Variants in GPHN observed in about 807,000 individuals in gnomAD.
The protein encoded by GPHN is gephyrin.
GPHN carries 17 observed loss-of-function variants against 95.5 expected under a neutral mutation model. The observed-to-expected ratio is 0.18, with a 90% CI of 0.12 to 0.27. GPHN has a LOEUF of 0.27. Among genes scored for constraint, GPHN ranks in the 10% least tolerant of loss-of-function variants. The pLI, the probability that GPHN is intolerant of heterozygous loss-of-function variation, is 1.00. For synonymous variants in GPHN, 320 were observed against 322.5 expected (o/e 0.99, Z 0.08); for missense variants, 660 against 978.1 (o/e 0.67, Z 4.34).
In GPHN at chr14:67,058,778, A is replaced by G; in HGVS notation, c.1136A>G (p.Asn379Ser). The G allele has an allele frequency of 1.2e-6, 2 of 1,613,554 alleles. No homozygotes were observed. Among genetic ancestry groups the G allele is most frequent in the Non-Finnish European group, 1.7e-6 (2 of 1,179,544 alleles). ...CCGGTGCTTGGGACAGAAATCATCA[A>G]TTACCGAGGTACTATTATATTTGAC... is the stretch of plus-strand genomic sequence containing the variant. ...MTPVLGTEII[N>S]YRDGMGRVLA... The change falls in exon 11 of 23, where the codon AAT becomes AGT. Residue 379 changes from asparagine to serine, a missense_variant. This residue lies in a region of GPHN where 257 missense variants were observed against 376.2 expected (regional missense o/e 0.68). Transcript: ENST00000478722.
the GPHN span, among the ~76,000 whole-genome samples, chr14:67,355,737 TTA>T: frequency 1.3e-5 from 2 of 152,008 alleles, no homozygotes; most frequent in African/African-American, 4.8e-5. Flanking sequence ...GTACAGTGGC[TTA>T]TGTCTATAAT....
At chr14:67,166,701 G>T (rs1350616975) in intron 20 of GPHN, among the ~76,000 whole-genome samples, 2 of 151,936 alleles carry the variant, frequency 1.3e-5, no homozygotes, top group African/African-American at 4.8e-5. Context: ...ACAAGGTCTG[G>T]CTCTGTCGCC....
At chr14:66,762,733 TTC>T (rs1458648381) in intron 2 of GPHN, among the ~76,000 whole-genome samples, 1 of 152,180 alleles carries the variant, frequency 6.6e-6, no homozygotes, top group African/African-American at 2.4e-5. Flanking sequence ...TAGATTCTAA[TTC>T]TCTTTTCTTC....
intron 1 of GPHN, among the ~76,000 whole-genome samples, chr14:66,511,671 G>A (rs1454434255): frequency 6.6e-6 from 1 of 151,960 alleles, no homozygotes; most frequent in Non-Finnish European, 1.5e-5. Context: ...TTAGTACATA[G>A]TCTGTTGAGA....
At chr14:66,786,318 A>G (rs1344889775) in intron 3 of GPHN, among the ~76,000 whole-genome samples, 1 of 152,092 alleles carries the variant, frequency 6.6e-6, no homozygotes, top group Admixed American at 6.5e-5. Context: ...GAAAATCACG[A>G]ACTTCTAAAA....
chr14:67,136,877 G>T (rs1254192015), intron 17 of GPHN, among the ~76,000 whole-genome samples: 1 of 152,116 alleles, frequency 6.6e-6, no homozygotes, highest in Non-Finnish European at 1.5e-5. Context: ...AGTAAATCAA[G>T]ATTCATGTTA....
Position 66,697,694 on chromosome 14 carries a change from TC to T in GPHN, c.143+16510del, listed in dbSNP as rs375111792. Among the ~76,000 whole-genome samples, 413 of 80,390 alleles carry T rather than the reference TC, an allele frequency of 5.1e-3. 4 individuals are homozygous for T. In the African/African-American group the frequency reaches 0.064, roughly 12 times the overall value. 52.7% of individuals were successfully genotyped at this position (80,390 alleles called of 152,430 possible). A position where few individuals can be genotyped will look rare whatever the true frequency, so the allele number is the denominator to read the frequency against. On this transcript the variant is annotated intron_variant, in intron 2 of 22. Coordinates refer to ENST00000478722, the MANE Select transcript of GPHN (RefSeq NM_020806.5). The stretch of plus-strand genomic sequence containing the variant: ...TTTTTTTCTTTTTTCTTTTTTCTTT[TC>T]TTTTTTTTTTGAGATGAGGTCTACC...
chr14:67,710,076 T>G, the GPHN span, among the ~76,000 whole-genome samples: 3 of 152,188 alleles, frequency 2.0e-5, no homozygotes, highest in African/African-American at 7.2e-5. Flanking sequence ...GCCTTTGTTT[T>G]AAGTTGTTCC....
At chr14:66,896,228 T>C (rs927634060) in intron 5 of GPHN, among the ~76,000 whole-genome samples, 5 of 152,152 alleles carry the variant, frequency 3.3e-5, no homozygotes, top group Non-Finnish European at 5.9e-5. Flanking sequence ...ATGGTAACTA[T>C]ATAAAACGAT....
At chr14:66,664,438 G>A (rs1188449356) in intron 1 of GPHN, among the ~76,000 whole-genome samples, 1 of 152,014 alleles carries the variant, frequency 6.6e-6, no homozygotes, top group Non-Finnish European at 1.5e-5. Flanking sequence ...AACTAATAAG[G>A]ACAAAGATAC....
At chr14:67,531,090 T>G in the GPHN span, among the ~76,000 whole-genome samples, 1 of 152,110 alleles carries the variant, frequency 6.6e-6, no homozygotes, top group Non-Finnish European at 1.5e-5. Context: ...CCATTCTCCT[T>G]TGTCAGGTCA....
Position 66,642,916 on chromosome 14 carries a change from G to A in GPHN, c.65-38191G>A, listed in dbSNP as rs183884025. ...GATGGAAACATGGCAGAATATCTTCGTGATCTTGGGTTAGGGAAAGATTTC... is the reference window on the plus strand; with the variant it reads ...GATGGAAACATGGCAGAATATCTTCATGATCTTGGGTTAGGGAAAGATTTC... On this transcript the variant is annotated intron_variant, in intron 1 of 22. Transcript: ENST00000478722. Among the ~76,000 whole-genome samples, 53 of 148,058 alleles carry A rather than the reference G, an allele frequency of 3.6e-4. No homozygotes were observed. In the East Asian group the frequency reaches 5.8e-3, roughly 16 times the overall value.
chr14:67,341,465 G>C, the GPHN span, among the ~76,000 whole-genome samples: 1 of 152,072 alleles, frequency 6.6e-6, no homozygotes, highest in South Asian at 2.1e-4. Context: ...AGGGAGGTTG[G>C]GGGGTCAGCC....
chr14:66,778,500 AAT>A (rs1167845529), intron 3 of GPHN, among the ~76,000 whole-genome samples: 1 of 152,116 alleles, frequency 6.6e-6, no homozygotes, highest in African/African-American at 2.4e-5. Flanking sequence ...TTTCTAACAT[AAT>A]ATGTTGTTCT....
intron 1 of GPHN, among the ~76,000 whole-genome samples, chr14:66,548,659 A>G (rs2059697405): frequency 6.6e-6 from 1 of 152,194 alleles, no homozygotes; most frequent in Non-Finnish European, 1.5e-5. Context: ...AGGCCAGATA[A>G]TAATCCTACA....
At chr14:67,481,802 G>A in the GPHN span, among the ~76,000 whole-genome samples, 1 of 152,136 alleles carries the variant, frequency 6.6e-6, no homozygotes, top group East Asian at 1.9e-4. Flanking sequence ...GCTCAGCCCT[G>A]GGATCAGAGC....
At chr14:67,699,176 C>T in the GPHN span, among the ~76,000 whole-genome samples, 1 of 151,838 alleles carries the variant, frequency 6.6e-6, no homozygotes, top group Non-Finnish European at 1.5e-5. Context: ...TCACTTGAAC[C>T]CGGGAGGCAG....
At chr14:67,395,398 T>C in the GPHN span, 2 of 1,612,992 alleles carry the variant, frequency 1.2e-6, no homozygotes, top group Admixed American at 3.3e-5. Flanking sequence ...AGTGGGGCAC[T>C]CACTGCAGGC....
downstream of GPHN, among the ~76,000 whole-genome samples, chr14:67,185,913 G>A (rs2083366002): frequency 6.6e-6 from 1 of 152,146 alleles, no homozygotes; most frequent in African/African-American, 2.4e-5. Context: ...TAAACTGTAT[G>A]TCTTGTATTC....
Sources: gnomAD v4.1 joint callset for allele counts (sites outside exome capture counted in the v4.1 genomes callset) on GRCh38, gnomAD v4.1.1 for gene constraint, gnomAD v4.1.1 regional missense constraint, MANE v1.5 for transcripts, NCBI Gene and HGNC (gene_info 2026-07-23, HGNC 2026-07-21) for gene names.